The following FSHR variants were observed in gnomAD, a reference collection of about 807,000 sequenced individuals.
FSHR encodes the protein follicle stimulating hormone receptor.
Under a neutral mutation model 52.1 loss-of-function variants are expected in FSHR, and 46 were observed. The observed-to-expected ratio is 0.88, with a 90% CI of 0.70 to 1.13. The LOEUF is 1.13. FSHR is among the 50% of genes most tolerant of loss of function. The probability of loss-of-function intolerance (pLI) is 0.00; values close to 1 mark genes in which losing one functional copy is unlikely to be tolerated. For synonymous variants in FSHR, 399 were observed against 309.6 expected, an observed-to-expected ratio of 1.29 and a Z score of -3.03; for missense variants, 964 against 834.6, an observed-to-expected ratio of 1.16 and a Z score of -1.91.
intron 2 of FSHR, among the ~76,000 whole-genome samples, chr2:49,051,957 C>T (rs945808862): frequency 6.6e-6 from 1 of 151,876 alleles, no homozygotes; most frequent in Admixed American, 6.6e-5. Flanking sequence ...CTATTCTTTC[C>T]GTATTGAATT....
chr2:48,972,014 A>C (rs1420314800), intron 8 of FSHR, among the ~76,000 whole-genome samples: 1 of 152,184 alleles, frequency 6.6e-6, no homozygotes, highest in Non-Finnish European at 1.5e-5. Flanking sequence ...TGGCGCTAAA[A>C]TTTGTATTTC....
chr2:49,056,233 C>A (rs1669057797), intron 2 of FSHR, among the ~76,000 whole-genome samples: 2 of 151,346 alleles, frequency 1.3e-5, no homozygotes, highest in Non-Finnish European at 1.5e-5. Flanking sequence ...TATATGCTGC[C>A]TACAAGAAAC....
chr2:48,964,709 C>A (rs186462505), intron 9 of FSHR, among the ~76,000 whole-genome samples: 1 of 152,284 alleles, frequency 6.6e-6, no homozygotes, highest in East Asian at 1.9e-4. Flanking sequence ...GAATGGAACT[C>A]ATCCTCTGGG....
chr2:48,967,030 A>C (rs922824336), intron 9 of FSHR, among the ~76,000 whole-genome samples: 3 of 152,176 alleles, frequency 2.0e-5, no homozygotes, highest in African/African-American at 7.2e-5. Flanking sequence ...TGAGACAACA[A>C]ATTCTTGGGG....
chr2:49,063,738 T>C (rs1319510756), intron 2 of FSHR, among the ~76,000 whole-genome samples: 1 of 152,070 alleles, frequency 6.6e-6, no homozygotes, highest in Non-Finnish European at 1.5e-5. Context: ...ATAGGAGGAA[T>C]AAGTTCTACT....
intron 8 of FSHR, among the ~76,000 whole-genome samples, chr2:48,982,603 G>A (rs1675301069): frequency 6.6e-6 from 1 of 152,210 alleles, no homozygotes; most frequent in South Asian, 2.1e-4. Context: ...TCTGTAAAAC[G>A]GGAATAATAG....
At chr2:49,112,092 C>T (rs1187412964) in intron 1 of FSHR, among the ~76,000 whole-genome samples, 8 of 152,134 alleles carry the variant, frequency 5.3e-5, no homozygotes, top group Admixed American at 1.3e-4. Flanking sequence ...TTATGGAATA[C>T]GAAATTAATG....
At chr2:49,034,408 T>A (rs1475047457) in intron 2 of FSHR, among the ~76,000 whole-genome samples, 4 of 152,222 alleles carry the variant, frequency 2.6e-5, no homozygotes, top group African/African-American at 9.6e-5. Context: ...GGAGTCACTG[T>A]GGCCCTGTGG....
At chr2:49,004,055 C>G (rs533069669) in intron 4 of FSHR, among the ~76,000 whole-genome samples, 1 of 152,174 alleles carries the variant, frequency 6.6e-6, no homozygotes, top group African/African-American at 2.4e-5. Context: ...GGGTATTTGC[C>G]TAATGTCTCT....
At chr2:48,972,326 G>T (rs1017148992) in intron 8 of FSHR, among the ~76,000 whole-genome samples, 1 of 152,120 alleles carries the variant, frequency 6.6e-6, no homozygotes, top group Non-Finnish European at 1.5e-5. Context: ...CAAGGTAAAC[G>T]TTCTGGTGGT....
intron 1 of FSHR, among the ~76,000 whole-genome samples, chr2:49,125,298 A>G (rs1367093142): frequency 6.6e-6 from 1 of 151,668 alleles, no homozygotes; most frequent in Non-Finnish European, 1.5e-5. Context: ...CTACACTAAC[A>G]TTAACAATAG....
chr2:49,136,292 C>T (rs1321475136), intron 1 of FSHR, among the ~76,000 whole-genome samples: 1 of 151,908 alleles, frequency 6.6e-6, no homozygotes, highest in Non-Finnish European at 1.5e-5. Flanking sequence ...ACTGGAAAGA[C>T]ACAAACCACT....
chr2:48,997,385 G>T, intron 4 of FSHR: 1 of 984,988 alleles, frequency 1.0e-6, no homozygotes, highest in Non-Finnish European at 1.2e-6. Context: ...GAGCTCAAGG[G>T]TAACATTTCC....
chr2:49,043,012 C>G (rs1471813054), intron 2 of FSHR, among the ~76,000 whole-genome samples: 1 of 152,122 alleles, frequency 6.6e-6, no homozygotes, highest in Non-Finnish European at 1.5e-5. Context: ...CCAGGACCAT[C>G]CAAGATATCT....
chr2:49,108,356 TA>T (rs1423130914), intron 1 of FSHR, among the ~76,000 whole-genome samples: 3 of 152,176 alleles, frequency 2.0e-5, no homozygotes, highest in African/African-American at 7.2e-5. Flanking sequence ...CATCTCTTCC[TA>T]TATGTATATT....
chr2:49,150,116 C>T (rs922575681), intron 1 of FSHR, among the ~76,000 whole-genome samples: 2 of 151,960 alleles, frequency 1.3e-5, no homozygotes. Context: ...TTTTCTAGAT[C>T]CACTGACTGC....
intron 2 of FSHR, among the ~76,000 whole-genome samples, chr2:49,056,981 T>C (rs1396097964): frequency 1.3e-5 from 2 of 151,838 alleles, no homozygotes; most frequent in African/African-American, 4.8e-5. Context: ...AAACACAAAA[T>C]ACCAAAACCT....
intron 4 of FSHR, among the ~76,000 whole-genome samples, chr2:49,000,142 C>G (rs1009207073): frequency 1.3e-5 from 2 of 152,070 alleles, no homozygotes; most frequent in African/African-American, 4.8e-5. Flanking sequence ...TCTCCACCAC[C>G]AAGTTTGCAC....
chr2:49,138,709 C>T (rs1672572051), intron 1 of FSHR, among the ~76,000 whole-genome samples: 1 of 152,092 alleles, frequency 6.6e-6, no homozygotes, highest in Non-Finnish European at 1.5e-5. Flanking sequence ...AGGATGATAG[C>T]TAACATGTAT....
Sources: allele counts gnomAD v4.1 joint callset (sites outside exome capture counted in the v4.1 genomes callset), GRCh38; gene constraint gnomAD v4.1.1; transcripts MANE v1.5; gene names NCBI Gene and HGNC (gene_info 2026-07-23, HGNC 2026-07-21).